The following EPHB2 variants were observed in gnomAD, a reference collection of about 807,000 sequenced individuals.
EPHB2 encodes EPH receptor B2.
In EPHB2, 18 loss-of-function variants were observed where a neutral mutation model predicts 96.4. That is an observed-to-expected ratio of 0.19 (90% confidence interval 0.13 to 0.28). EPHB2 has a LOEUF of 0.28. Ranked by LOEUF, EPHB2 falls within the 10% of genes least tolerant of loss-of-function variation. The probability of loss-of-function intolerance (pLI) is 1.00; values close to 1 mark genes in which losing one functional copy is unlikely to be tolerated. For synonymous variants in EPHB2, 506 were observed against 534.1 expected (o/e 0.95, Z 0.72); for missense variants, 989 against 1,355.4 (o/e 0.73, Z 4.25).
At chr1:22,870,307 G>T (rs1638619971) in intron 5 of EPHB2, among the ~76,000 whole-genome samples, 1 of 152,234 alleles carries the variant, frequency 6.6e-6, no homozygotes, top group East Asian at 1.9e-4. Context: ...CATGAGTCGT[G>T]CTCATGGCCC....
chr1:22,764,705 C>T (rs905673165), intron 1 of EPHB2, among the ~76,000 whole-genome samples: 18 of 151,828 alleles, frequency 1.2e-4, no homozygotes, highest in South Asian at 2.1e-4. Context: ...GAGATTGCAC[C>T]ACCGCACTCC....
intron 1 of EPHB2, among the ~76,000 whole-genome samples, chr1:22,731,240 T>G (rs967496059): frequency 3.3e-5 from 5 of 152,100 alleles, no homozygotes; most frequent in Non-Finnish European, 7.4e-5. Context: ...GCGGGGGGAA[T>G]GGAGGGCAGA....
intron 2 of EPHB2, among the ~76,000 whole-genome samples, chr1:22,782,398 T>G: frequency 6.7e-6 from 1 of 149,314 alleles, no homozygotes; most frequent in Non-Finnish European, 1.5e-5. Flanking sequence ...ACCCAGCCCT[T>G]CCCTTCCCCC....
At chr1:22,794,415 A>T (rs4654816) in intron 3 of EPHB2, among the ~76,000 whole-genome samples, 7 of 151,978 alleles carry the variant, frequency 4.6e-5, no homozygotes, top group Non-Finnish European at 1.0e-4. Context: ...ACCTCTGGCC[A>T]GAGAGAAAAG....
At position 22,741,847 on chromosome 1, in the gene EPHB2, C is replaced by T. The variant is rs190866630; in HGVS notation, c.61+30804C>T. 2.9e-3 allele frequency among the ~76,000 whole-genome samples: 441 copies of T among 152,142 alleles called. 3 individuals carry two copies. Among genetic ancestry groups the T allele is most frequent in the African/African-American group, 0.01 (420 of 41,484 alleles). On this transcript the variant is annotated intron_variant, in intron 1 of 15. Coordinates refer to ENST00000374630, the MANE Select transcript of EPHB2 (RefSeq NM_017449.5). ...CTCGGGGATGGGCTTTATTTTTCTCCCTGTTTCAGAGATGAGAAGGCCGGA... is the reference window on the plus strand; with the variant it reads ...CTCGGGGATGGGCTTTATTTTTCTCTCTGTTTCAGAGATGAGAAGGCCGGA...
chr1:22,793,037 G>A (rs1433867692), intron 3 of EPHB2, among the ~76,000 whole-genome samples: 2 of 152,196 alleles, frequency 1.3e-5, no homozygotes, highest in African/African-American at 2.4e-5. Flanking sequence ...CCTGGAGGCA[G>A]CCAGAGTGCA....
intron 14 of EPHB2, among the ~76,000 whole-genome samples, chr1:22,912,219 C>T (rs1165355144): frequency 6.6e-6 from 1 of 152,210 alleles, no homozygotes; most frequent in Non-Finnish European, 1.5e-5. Flanking sequence ...GTTCTGCACA[C>T]ACACTCACTC....
intron 1 of EPHB2, among the ~76,000 whole-genome samples, chr1:22,767,148 C>T (rs181085272): frequency 6.6e-6 from 1 of 152,156 alleles, no homozygotes; most frequent in Non-Finnish European, 1.5e-5. Flanking sequence ...ACTTAGCAGC[C>T]CAGCATTGCA....
chr1:22,861,319 A>G (rs1431228748), intron 3 of EPHB2, among the ~76,000 whole-genome samples: 1 of 152,044 alleles, frequency 6.6e-6, no homozygotes, highest in Non-Finnish European at 1.5e-5. Flanking sequence ...GCCCATGCTC[A>G]TTCCACTTAA....
intron 1 of EPHB2, among the ~76,000 whole-genome samples, chr1:22,719,883 A>C (rs577021965): frequency 5.3e-5 from 8 of 152,356 alleles, no homozygotes; most frequent in Non-Finnish European, 8.8e-5. Context: ...CTACTGGCTT[A>C]AAACAATAAT....
At chr1:22,883,684 C>G (rs1335959432) in intron 6 of EPHB2, among the ~76,000 whole-genome samples, 1 of 152,186 alleles carries the variant, frequency 6.6e-6, no homozygotes, top group Non-Finnish European at 1.5e-5. Flanking sequence ...CCTTCCCACT[C>G]TGTTAACTGC....
chr1:22,844,673 G>C (rs987572461), intron 3 of EPHB2, among the ~76,000 whole-genome samples: 3 of 152,174 alleles, frequency 2.0e-5, no homozygotes, highest in Non-Finnish European at 2.9e-5. Flanking sequence ...GCCGGCTCCA[G>C]AGCACACACT....
intron 1 of EPHB2, among the ~76,000 whole-genome samples, chr1:22,771,964 G>A (rs1644384710): frequency 6.6e-6 from 1 of 152,076 alleles, no homozygotes; most frequent in Admixed American, 6.5e-5. Flanking sequence ...CCTCAGGGTT[G>A]TCATGGGAAC....
Position 22,860,547 on chromosome 1 carries a change from G to A in EPHB2, c.812-2490G>A, listed in dbSNP as rs1243675363. Among the ~76,000 whole-genome samples, 1 of 152,144 alleles carries A rather than the reference G, an allele frequency of 6.6e-6. No homozygotes were observed. The highest frequency in any genetic ancestry group is 1.5e-5 in the Non-Finnish European group (1 of 68,024). On this transcript the variant is annotated intron_variant, in intron 3 of 15. Transcript: ENST00000374630. The surrounding 1 kb of genome is among the most constrained non-coding windows in gnomAD (Gnocchi z 4.6). ...CACTGCAAGGGGGAGAGGGCAGCCAGAAAGGCAGTCCAGATGGAGAGGCTG... is the reference window on the plus strand; with the variant it reads ...CACTGCAAGGGGGAGAGGGCAGCCAAAAAGGCAGTCCAGATGGAGAGGCTG...
intron 1 of EPHB2, among the ~76,000 whole-genome samples, chr1:22,746,860 T>C (rs1643983647): frequency 6.6e-6 from 1 of 151,834 alleles, no homozygotes; most frequent in Non-Finnish European, 1.5e-5. Flanking sequence ...TGCACCCTCC[T>C]GACCTGTGAC....
chr1:22,728,983 G>T (rs903670504), intron 1 of EPHB2, among the ~76,000 whole-genome samples: 2 of 152,238 alleles, frequency 1.3e-5, no homozygotes, highest in African/African-American at 4.8e-5. Context: ...GGGCCAGGCT[G>T]CCGTTCTGTC....
chr1:22,873,856 C>A (rs891495987), intron 5 of EPHB2, among the ~76,000 whole-genome samples: 34 of 152,308 alleles, frequency 2.2e-4, no homozygotes, highest in Admixed American at 6.5e-4. Context: ...TATTTCACGG[C>A]CACTTCTAGC....
At chr1:22,821,465 G>A (rs531760968) in intron 3 of EPHB2, among the ~76,000 whole-genome samples, 1 of 152,256 alleles carries the variant, frequency 6.6e-6, no homozygotes, top group Non-Finnish European at 1.5e-5. Context: ...CCAGCTTTCT[G>A]GTATCCCAGA....
intron 3 of EPHB2, among the ~76,000 whole-genome samples, chr1:22,838,357 T>G (rs1000372181): frequency 2.0e-5 from 3 of 152,272 alleles, no homozygotes; most frequent in African/African-American, 7.2e-5. Context: ...CACATTAAAC[T>G]AATCAGGGGA....
Sources: allele counts gnomAD v4.1 joint callset (sites outside exome capture counted in the v4.1 genomes callset), GRCh38; gene constraint gnomAD v4.1.1; non-coding constraint Gnocchi (gnomAD v3.1); transcripts MANE v1.5; gene names NCBI Gene and HGNC (gene_info 2026-07-23, HGNC 2026-07-21).